Variants in TEX9 observed in about 807,000 individuals in gnomAD.
TEX9 encodes the protein testis-expressed protein 9.
TEX9 carries 74 observed loss-of-function variants against 59.6 expected under a neutral mutation model. The observed-to-expected ratio is 1.24, with a 90% confidence interval of 1.03 to 1.51. TEX9 has a LOEUF of 1.51. TEX9 is among the 40% of genes most tolerant of loss of function. TEX9 has a pLI of 0.00. For synonymous variants in TEX9, 186 were observed against 152.2 expected (o/e 1.22, Z -1.64); for missense variants, 522 against 447.8 (o/e 1.17, Z -1.49).
chr15:56,402,764 A>G (rs892051857), intron 9 of TEX9, among the ~76,000 whole-genome samples: 1 of 152,246 alleles, frequency 6.6e-6, no homozygotes, highest in Non-Finnish European at 1.5e-5. Flanking sequence ...ATCCAGCAGC[A>G]TATCAAAAAG....
At chr15:56,437,447 G>T (rs958728485) in intron 12 of TEX9, among the ~76,000 whole-genome samples, 3 of 152,048 alleles carry the variant, frequency 2.0e-5, no homozygotes, top group Non-Finnish European at 4.4e-5. Context: ...AATAAATTAG[G>T]TGTTGATGGG....
intron 3 of TEX9, among the ~76,000 whole-genome samples, chr15:56,378,152 A>G (rs796197633): frequency 2.0e-4 from 31 of 152,296 alleles, no homozygotes; most frequent in African/African-American, 6.5e-4. Context: ...TTTTGCATCA[A>G]TATTCGTTAG....
chr15:56,433,670 A>G (rs533229706), intron 12 of TEX9, among the ~76,000 whole-genome samples: 160 of 152,194 alleles, frequency 1.1e-3, no homozygotes, highest in African/African-American at 3.7e-3. Context: ...CAATGCTCTC[A>G]CTTGAATCGT....
At chr15:56,446,852 A>C, downstream of TEX9, 1 of 1,606,462 alleles carries the variant, frequency 6.2e-7, no homozygotes, top group Non-Finnish European at 8.5e-7. Context: ...ATTTGTTCAT[A>C]TTTAATGGCA....
chr15:56,389,905 G>T (rs1256240331), intron 6 of TEX9, among the ~76,000 whole-genome samples: 1 of 151,848 alleles, frequency 6.6e-6, no homozygotes, highest in East Asian at 1.9e-4. Flanking sequence ...AGCATAAAAA[G>T]GGACCCAAGA....
intron 11 of TEX9, 46 bp downstream of exon 11, chr15:56,427,785 C>G: frequency 1.4e-6 from 2 of 1,379,492 alleles, no homozygotes; most frequent in Non-Finnish European, 9.5e-7. Flanking sequence ...TTGTAACTTT[C>G]TTACTAAAAA....
the TEX9 span, among the ~76,000 whole-genome samples, chr15:56,454,190 A>G: frequency 3.9e-5 from 6 of 152,148 alleles, no homozygotes; most frequent in Non-Finnish European, 5.9e-5. Flanking sequence ...TTTTTTGTAT[A>G]TACTCAAGCA....
chr15:56,246,458 T>C (rs2043859949), intron 1 of TEX9, among the ~76,000 whole-genome samples: 2 of 152,170 alleles, frequency 1.3e-5, no homozygotes, highest in South Asian at 2.1e-4. Context: ...AGACTGTGAA[T>C]AAAATCATGA....
At chr15:56,348,958 T>C (rs1424774928) in intron 1 of TEX9, among the ~76,000 whole-genome samples, 2 of 151,972 alleles carry the variant, frequency 1.3e-5, no homozygotes, top group African/African-American at 4.8e-5. Flanking sequence ...GATTGAATAA[T>C]TTCTACGGAC....
At chr15:56,345,982 G>A (rs1183872160) in intron 1 of TEX9, among the ~76,000 whole-genome samples, 1 of 152,184 alleles carries the variant, frequency 6.6e-6, no homozygotes, top group African/African-American at 2.4e-5. Flanking sequence ...AGGACAATTG[G>A]TCAGTTAAGC....
chr15:56,379,500 G>A (rs565033010), intron 3 of TEX9, among the ~76,000 whole-genome samples: 1 of 152,278 alleles, frequency 6.6e-6, no homozygotes, highest in African/African-American at 2.4e-5. Flanking sequence ...TACATGCTGA[G>A]GAGAATAATG....
At position 56,394,215 on chromosome 15, in the gene TEX9, T is replaced by A. The variant is rs565639097; in HGVS notation, c.622T>A (p.Leu208Met). ...CAAACTCCATGTTATGCAGGAGGAA[T>A]TGGATAATGTTGTATGTGAATGCAA... Residue 208 changes from leucine to methionine, a missense_variant, in exon 8 of 13, where the codon TTG (leucine) becomes ATG (methionine). By Grantham distance (15) the Leu-to-Met change is conservative (BLOSUM62 2). Coordinates refer to ENST00000352903, the Ensembl canonical transcript of TEX9. 1.9e-6 allele frequency: 3 copies of A among 1,608,890 alleles called. No homozygotes were observed. The African/African-American group carries it at 4.0e-5, about 21-fold the overall frequency.
rs771117297 is a variant in TEX9, at chr15:56,272,744, A to G, written c.-107+28466A>G. ...TTTCCCAATAGATTTGACTTAAAAA[A>G]ATGTATAACATACTCTTTTATTTAG... is the stretch of plus-strand genomic sequence containing the variant. On this transcript the variant is annotated intron_variant, in intron 1 of 5. Transcript: ENST00000560827. 2.0e-5 allele frequency among the ~76,000 whole-genome samples: 3 copies of G among 152,332 alleles called. No homozygotes were observed. In the Middle Eastern group the frequency reaches 0.01, roughly 518 times the overall value.
chr15:56,307,585 A>C (rs751876471), intron 1 of TEX9, among the ~76,000 whole-genome samples: 1 of 152,244 alleles, frequency 6.6e-6, no homozygotes, highest in Non-Finnish European at 1.5e-5. Flanking sequence ...CTTTGTTGAC[A>C]TAAATTACGT....
At chr15:56,287,750 A>G (rs1172028569) in intron 1 of TEX9, among the ~76,000 whole-genome samples, 1 of 152,160 alleles carries the variant, frequency 6.6e-6, no homozygotes, top group Non-Finnish European at 1.5e-5. Flanking sequence ...TAAAAGTTCT[A>G]CATATAAATG....
At chr15:56,330,143 GA>G (rs542940111) in intron 1 of TEX9, among the ~76,000 whole-genome samples, 3 of 151,862 alleles carry the variant, frequency 2.0e-5, no homozygotes, top group Non-Finnish European at 4.4e-5. Context: ...AGTGCTAAAG[GA>G]AAAAAATATT....
At chr15:56,445,545 C>G (rs2050892729) in intron 12 of TEX9, 1 of 151,894 alleles carries the variant, frequency 6.6e-6, no homozygotes, top group Non-Finnish European at 1.5e-5. Context: ...ATGACTTGAC[C>G]AAAAATGTTT....
intron 1 of TEX9, among the ~76,000 whole-genome samples, chr15:56,339,401 A>AAAAAAAC (rs2046327507): frequency 9.7e-5 from 12 of 124,232 alleles, no homozygotes; most frequent in Admixed American, 1.7e-4. Flanking sequence ...AAAAAAAAAA[A>AAAAAAAC]AAAAAAAAAA....
At chr15:56,456,852 T>C in the TEX9 span, among the ~76,000 whole-genome samples, 1 of 152,134 alleles carries the variant, frequency 6.6e-6, no homozygotes, top group Non-Finnish European at 1.5e-5. Flanking sequence ...GCTAGGGTGT[T>C]TTAAAACAAT....
Sources: gnomAD v4.1 joint callset for allele counts (sites outside exome capture counted in the v4.1 genomes callset) on GRCh38, gnomAD v4.1.1 for gene constraint, MANE v1.5 for transcripts, NCBI Gene and HGNC (gene_info 2026-07-23, HGNC 2026-07-21) for gene names.